Variants in MTREX observed in about 807,000 individuals in gnomAD.
The protein encoded by MTREX is exosome RNA helicase MTR4.
A neutral mutation model predicts 135.4 loss-of-function variants in MTREX; 76 were observed. The ratio of observed to expected loss-of-function variants is 0.56; its 90% CI spans 0.47 to 0.68. The LOEUF (loss-of-function observed/expected upper bound fraction) is 0.68, where lower values mean the gene tolerates loss of function less well. Ranked by LOEUF, MTREX falls within the 30% of genes least tolerant of loss-of-function variation. The pLI is 0.00. For synonymous variants in MTREX, 404 were observed against 401.6 expected, an observed-to-expected ratio of 1.01 and a Z score of -0.07; for missense variants, 920 against 1,262.1, an observed-to-expected ratio of 0.73 and a Z score of 4.11.
chr5:55,358,428 C>T, intron 14 of MTREX, 145 bp from the exon 15 acceptor site: 1 of 678,274 alleles, frequency 1.5e-6, no homozygotes, highest in East Asian at 3.3e-5. Flanking sequence ...GACTTTAACT[C>T]TTCTCAAACT....
chr5:55,424,680 G>T (rs755265121), intron 26 of MTREX, 40 bp from the exon 27 acceptor site: 1 of 1,468,124 alleles, frequency 6.8e-7, no homozygotes, highest in Non-Finnish European at 9.5e-7. Context: ...TAGGTGTTTT[G>T]TGGTCTTGAA....
intron 18 of MTREX, among the ~76,000 whole-genome samples, chr5:55,387,411 A>G (rs1750496482): frequency 6.6e-6 from 1 of 152,044 alleles, no homozygotes; most frequent in Non-Finnish European, 1.5e-5. Context: ...TAAATATTTT[A>G]TTTAAAAATG....
At chr5:55,378,614 ATAT>A in intron 17 of MTREX, 128 bp downstream of exon 17, 1 of 1,088,068 alleles carries the variant, frequency 9.2e-7, no homozygotes, top group South Asian at 1.8e-5. Flanking sequence ...TATATTAATC[ATAT>A]TATTTTACCT....
At chr5:55,322,498 C>G in intron 2 of MTREX, 34 bp downstream of exon 2, 2 of 1,500,700 alleles carry the variant, frequency 1.3e-6, no homozygotes, top group Non-Finnish European at 1.8e-6. Flanking sequence ...GTTAGTAACT[C>G]ATAATTCAGG....
chr5:55,343,051 A>G (rs1749676817), intron 7 of MTREX, among the ~76,000 whole-genome samples: 2 of 152,212 alleles, frequency 1.3e-5, no homozygotes, highest in Non-Finnish European at 2.9e-5. Context: ...CTGCCTTGTC[A>G]TTGAGGCTCT....
At chr5:55,353,825 G>A (rs982960854) in intron 14 of MTREX, among the ~76,000 whole-genome samples, 1 of 152,174 alleles carries the variant, frequency 6.6e-6, no homozygotes, top group Non-Finnish European at 1.5e-5. Context: ...ATGATAGGAG[G>A]TTAAGTGTGC....
chr5:55,377,243 T>C (rs1034656462), intron 16 of MTREX, among the ~76,000 whole-genome samples: 5 of 151,940 alleles, frequency 3.3e-5, no homozygotes, highest in Non-Finnish European at 5.9e-5. Context: ...AGGAGAGTGG[T>C]GTGAACCCGG....
At chr5:55,310,199 A>G (rs1157468150) in intron 1 of MTREX, among the ~76,000 whole-genome samples, 1 of 152,244 alleles carries the variant, frequency 6.6e-6, no homozygotes, top group African/African-American at 2.4e-5. Flanking sequence ...TTTACATTTC[A>G]TTATATTAGG....
At chr5:55,418,227 C>T (rs1308848175) in intron 25 of MTREX, among the ~76,000 whole-genome samples, 4 of 91,546 alleles carry the variant, frequency 4.4e-5, no homozygotes, top group African/African-American at 1.5e-4. Context: ...GAGCGAGACA[C>T]CATCTCAAAA....
chr5:55,336,994 T>G (rs1749564615), intron 5 of MTREX, among the ~76,000 whole-genome samples: 1 of 152,230 alleles, frequency 6.6e-6, no homozygotes. Flanking sequence ...GCATACTTCT[T>G]AAATGTTTGA....
At chr5:55,327,499 A>G (rs1427820113) in intron 3 of MTREX, 1 of 496,598 alleles carries the variant, frequency 2.0e-6, no homozygotes, top group African/African-American at 1.9e-5. Flanking sequence ...TATTACCCTT[A>G]GACAAATGCG....
intron 26 of MTREX, 64 bp downstream of exon 26, chr5:55,423,046 C>T (rs1373759164): frequency 4.8e-6 from 6 of 1,249,600 alleles, no homozygotes; most frequent in Non-Finnish European, 6.9e-6. Context: ...ATCTTGAGCC[C>T]TGGACCACAA....
At chr5:55,338,288 C>T (rs139114524) in intron 5 of MTREX, among the ~76,000 whole-genome samples, 117 of 152,038 alleles carry the variant, frequency 7.7e-4, no homozygotes, top group East Asian at 1.2e-3. Flanking sequence ...CCTGGTTGAC[C>T]GATTTTTTTT....
At chr5:55,420,233 C>T (rs868333433) in intron 25 of MTREX, among the ~76,000 whole-genome samples, 3 of 152,070 alleles carry the variant, frequency 2.0e-5, no homozygotes, top group Non-Finnish European at 2.9e-5. Flanking sequence ...GTATTAAATT[C>T]GGGTCAGAGC....
Position 55,424,844 on chromosome 5 carries a change from C to A in MTREX, c.*72C>A. 1.8e-6 allele frequency: 2 copies of A among 1,089,620 alleles called. No individual in the cohort carries two copies. The highest frequency in any genetic ancestry group is 1.3e-5 in the South Asian group (1 of 77,234). 67.5% of individuals were successfully genotyped at this position (1,089,620 alleles called of 1,614,324 possible). A position where few individuals can be genotyped will look rare whatever the true frequency, so the allele number is the denominator to read the frequency against. On this transcript the variant is annotated 3_prime_UTR_variant, in exon 27 of 27. Coordinates refer to ENST00000230640, the MANE Select transcript of MTREX (RefSeq NM_015360.5). The stretch of plus-strand genomic sequence containing the variant: ...GATTACAGTTGACTACAAATGCCTG[C>A]AAGTGTGGATTTGGTTCTCCCATAC...
intron 14 of MTREX, chr5:55,357,284 A>G (rs548275720): frequency 6.6e-6 from 1 of 152,588 alleles, no homozygotes; most frequent in African/African-American, 2.4e-5. Flanking sequence ...CTTAACTGTC[A>G]TATATGGGTT....
At chr5:55,325,270 T>C (rs897238618) in intron 3 of MTREX, among the ~76,000 whole-genome samples, 1 of 151,414 alleles carries the variant, frequency 6.6e-6, no homozygotes, top group Non-Finnish European at 1.5e-5. Context: ...GTGGTACATA[T>C]GCAAGTTTGA....
Position 55,352,108 on chromosome 5 carries a change from C to T in MTREX, c.1432-1060C>T, listed in dbSNP as rs147900448. On this transcript the variant is annotated intron_variant, in intron 13 of 26. Transcript: ENST00000230640. ...CCATGTTGGCCAGGCTGGTCTTGAA[C>T]TCCTGACCTTAAGTGATCCTCCCAC... is the stretch of plus-strand genomic sequence containing the variant. Among the ~76,000 whole-genome samples the T allele has an allele frequency of 6.2e-3, 946 of 151,910 alleles. 11 individuals are homozygous for T. Among genetic ancestry groups the T allele is most frequent in the African/African-American group, 0.022 (923 of 41,426 alleles).
chr5:55,319,890 C>G (rs1030502021), intron 1 of MTREX, among the ~76,000 whole-genome samples: 1 of 152,186 alleles, frequency 6.6e-6, no homozygotes, highest in East Asian at 1.9e-4. Flanking sequence ...TAGACTTTAA[C>G]CAGCTCCTAA....
Sources: gnomAD v4.1 joint callset for allele counts (sites outside exome capture counted in the v4.1 genomes callset) on GRCh38, gnomAD v4.1.1 for gene constraint, MANE v1.5 for transcripts, NCBI Gene and HGNC (gene_info 2026-07-23, HGNC 2026-07-21) for gene names.